PRKAG2: variants seen among roughly 807,000 people sequenced by gnomAD.
PRKAG2 encodes the protein 5'-AMP-activated protein kinase subunit gamma-2.
In PRKAG2, 26 loss-of-function variants were observed where a neutral mutation model predicts 69.6. That is an observed-to-expected ratio of 0.37 (90% CI 0.27 to 0.52). The LOEUF (loss-of-function observed/expected upper bound fraction) is 0.52, where lower values mean the gene tolerates loss of function less well. Ranked by LOEUF, PRKAG2 falls within the 20% of genes least tolerant of loss-of-function variation. PRKAG2 has a pLI of 0.90. For missense variants in PRKAG2, 557 were observed against 740.0 expected, an observed-to-expected ratio of 0.75 and a Z score of 2.87; for synonymous variants, 293 against 285.0, an observed-to-expected ratio of 1.03 and a Z score of -0.28.
chr7:151,564,442 G>A (rs1805771972), intron 13 of PRKAG2: 1 of 525,206 alleles, frequency 1.9e-6, no homozygotes, highest in Admixed American at 3.1e-5. Context: ...ATGTTACAAG[G>A]TCTACCTTCC....
intron 3 of PRKAG2, among the ~76,000 whole-genome samples, chr7:151,720,658 AATGGAGGGGATGGAGGGGG>A (rs1414385752): frequency 3.9e-5 from 4 of 103,638 alleles, no homozygotes; most frequent in Admixed American, 1.1e-4. Context: ...AGGAGGAGAG[AATGGAGGGGATGGAGGGGG>A]ATGGAGGGGA....
chr7:151,867,992 T>C (rs1331151361), intron 1 of PRKAG2, among the ~76,000 whole-genome samples: 1 of 152,174 alleles, frequency 6.6e-6, no homozygotes, highest in African/African-American at 2.4e-5. Context: ...GGACCAGGCC[T>C]TTGGCTCATG....
intron 5 of PRKAG2, among the ~76,000 whole-genome samples, chr7:151,607,893 C>A (rs763754833): frequency 6.6e-6 from 1 of 152,102 alleles, no homozygotes; most frequent in Non-Finnish European, 1.5e-5. Flanking sequence ...AAAGACAGGT[C>A]CACTGGAAAC....
At chr7:151,706,770 C>T (rs749304037) in intron 3 of PRKAG2, among the ~76,000 whole-genome samples, 6 of 152,246 alleles carry the variant, frequency 3.9e-5, no homozygotes, top group Non-Finnish European at 7.3e-5. Context: ...TCAACACAGC[C>T]TGAGTCTAGA....
intron 4 of PRKAG2, among the ~76,000 whole-genome samples, chr7:151,653,324 C>T (rs149505346): frequency 6.6e-6 from 1 of 152,128 alleles, no homozygotes; most frequent in Non-Finnish European, 1.5e-5. Context: ...GGGTTTTAGA[C>T]TATTCTAGTG....
At chr7:151,700,121 A>G (rs1837423843) in intron 3 of PRKAG2, among the ~76,000 whole-genome samples, 1 of 152,354 alleles carries the variant, frequency 6.6e-6, no homozygotes. Flanking sequence ...GCATCATTGC[A>G]AAATGATGTT....
chr7:151,822,305 C>CG (rs1385205792), intron 1 of PRKAG2, among the ~76,000 whole-genome samples: 2 of 151,716 alleles, frequency 1.3e-5, no homozygotes, highest in Non-Finnish European at 2.9e-5. Flanking sequence ...GGGTCAAGGG[C>CG]GGGGGGTGAC....
intron 1 of PRKAG2, among the ~76,000 whole-genome samples, chr7:151,800,482 C>G (rs973414553): frequency 6.6e-6 from 1 of 152,184 alleles, no homozygotes; most frequent in Non-Finnish European, 1.5e-5. Context: ...AATTCTGTTC[C>G]AGGCCATCCC....
rs77833853 is a variant in PRKAG2 at position 151,825,834 on chromosome 7, A to G, written c.115-39293T>C. 9.3e-3 allele frequency among the ~76,000 whole-genome samples: 1,422 copies of G among 152,308 alleles called. 14 individuals are homozygous for G. Among genetic ancestry groups the G allele is most frequent in the African/African-American group, 0.032 (1,329 of 41,562 alleles). On this transcript the variant is annotated intron_variant, in intron 1 of 15. Transcript: ENST00000287878. ...GCATAAAGCTGTGTGGCTCAGAGCT[A>G]GGTCAAGCTTCCCATCCCAGCCTAA...
intron 4 of PRKAG2, among the ~76,000 whole-genome samples, chr7:151,635,304 C>A (rs554696892): frequency 6.6e-6 from 1 of 152,184 alleles, no homozygotes; most frequent in Admixed American, 6.5e-5. Context: ...ACTAAACATG[C>A]AACTACCATG....
chr7:151,805,411 A>G (rs2151844073), intron 1 of PRKAG2, among the ~76,000 whole-genome samples: 1 of 152,182 alleles, frequency 6.6e-6, no homozygotes, highest in East Asian at 1.9e-4. Flanking sequence ...AATAGGAGGA[A>G]CCCCCAGTGA....
At chr7:151,587,237 A>G (rs1004187878) in intron 6 of PRKAG2, among the ~76,000 whole-genome samples, 2 of 152,238 alleles carry the variant, frequency 1.3e-5, no homozygotes, top group African/African-American at 4.8e-5. Flanking sequence ...GGAATAATGT[A>G]AAGAACAAAA....
intron 3 of PRKAG2, among the ~76,000 whole-genome samples, chr7:151,693,940 C>T (rs191955160): frequency 3.9e-5 from 6 of 151,940 alleles, no homozygotes; most frequent in East Asian, 1.9e-4. Flanking sequence ...GGTGTGATCT[C>T]GGCTCACTGC....
intron 1 of PRKAG2, among the ~76,000 whole-genome samples, chr7:151,793,423 G>A (rs181806995): frequency 6.6e-6 from 1 of 152,338 alleles, no homozygotes; most frequent in African/African-American, 2.4e-5. Context: ...TTTCTCAACT[G>A]ATTGTTCAGC....
At chr7:151,691,502 G>GCA (rs1281045368) in intron 3 of PRKAG2, among the ~76,000 whole-genome samples, 13 of 149,646 alleles carry the variant, frequency 8.7e-5, no homozygotes, top group African/African-American at 2.9e-4. Context: ...AAAAAAAAGT[G>GCA]GACAGAAGAT....
intron 3 of PRKAG2, among the ~76,000 whole-genome samples, chr7:151,721,153 T>C (rs1024109944): frequency 1.3e-5 from 2 of 151,844 alleles, no homozygotes; most frequent in Non-Finnish European, 2.9e-5. Context: ...CCTGGCCACC[T>C]ACCCAGGCAT....
At chr7:151,697,183 G>A (rs1203110556) in intron 3 of PRKAG2, among the ~76,000 whole-genome samples, 1 of 152,150 alleles carries the variant, frequency 6.6e-6, no homozygotes, top group Non-Finnish European at 1.5e-5. Flanking sequence ...AGCAGCTGCT[G>A]GGGAACGGGG....
At chr7:151,656,934 C>T (rs562319399) in intron 4 of PRKAG2, among the ~76,000 whole-genome samples, 26 of 151,974 alleles carry the variant, frequency 1.7e-4, no homozygotes, top group Non-Finnish European at 2.9e-4. Flanking sequence ...GTCAGGAGTT[C>T]GAGACCAGCC....
intron 3 of PRKAG2, among the ~76,000 whole-genome samples, chr7:151,776,567 C>T (rs913363363): frequency 6.6e-6 from 1 of 152,342 alleles, no homozygotes; most frequent in East Asian, 1.9e-4. Flanking sequence ...CAAGGGAGGG[C>T]CCAGGCCCCG....
Sources: allele counts gnomAD v4.1 joint callset (sites outside exome capture counted in the v4.1 genomes callset), GRCh38; gene constraint gnomAD v4.1.1; transcripts MANE v1.5; gene names NCBI Gene and HGNC (gene_info 2026-07-23, HGNC 2026-07-21).